The following COL9A1 variants were observed in gnomAD, a reference collection of about 807,000 sequenced individuals.
COL9A1 encodes collagen type IX alpha 1 chain.
Under a neutral mutation model 142.6 loss-of-function variants are expected in COL9A1, and 104 were observed. The observed-to-expected ratio is 0.73, with a 90% CI of 0.62 to 0.86. The LOEUF is 0.86. Ranked by LOEUF, COL9A1 falls within the 40% of genes least tolerant of loss-of-function variation. COL9A1 has a pLI of 0.00. For synonymous variants in COL9A1, 466 were observed against 396.0 expected (o/e 1.18, Z -2.10); for missense variants, 1,210 against 1,176.6 (o/e 1.03, Z -0.42).
chr6:70,266,621 G>A (rs926677564), intron 18 of COL9A1, 96 bp downstream of exon 18: 12 of 960,736 alleles, frequency 1.2e-5, no homozygotes, highest in Admixed American at 8.5e-5. Context: ...GTAAAATATC[G>A]AGGTTCATTA....
At chr6:70,268,733 TA>T in intron 17 of COL9A1, 70 bp downstream of exon 17, 2 of 1,399,510 alleles carry the variant, frequency 1.4e-6, no homozygotes, top group Non-Finnish European at 2.0e-6. Context: ...CCAGGAAGGC[TA>T]ATGCTTAAAG....
intron 36 of COL9A1, among the ~76,000 whole-genome samples, chr6:70,229,182 A>T (rs575837949): frequency 1.3e-5 from 2 of 152,250 alleles, no homozygotes; most frequent in African/African-American, 2.4e-5. Flanking sequence ...GAGCTCCAAA[A>T]CAGAGCCTAT....
At chr6:70,279,179 A>G (rs1055236376) in intron 10 of COL9A1, among the ~76,000 whole-genome samples, 2 of 152,256 alleles carry the variant, frequency 1.3e-5, no homozygotes, top group Admixed American at 6.5e-5. Flanking sequence ...TTCAAGCTAC[A>G]TTAGGCTACC....
At chr6:70,301,258 G>T (rs1236847207) in intron 2 of COL9A1, among the ~76,000 whole-genome samples, 1 of 152,036 alleles carries the variant, frequency 6.6e-6, no homozygotes. Context: ...AGACTCTCTA[G>T]ACTTCAAAAA....
In COL9A1 at chr6:70,232,698, G is replaced by T; in HGVS notation, c.2388C>A (p.Gly796=). ...CAGGAGGGCCGGGGGGACCAGGAGG[G>T]CCAGGCCTTCCAGGAAGCCCAGTGG... ...SGATGLPGRP[G]PPGPPGPPGE... is the part of the protein sequence containing the mutation. The change falls in exon 36 of 38, where the codon GGC becomes GGA. Residue 796 remains glycine, a synonymous_variant. Coordinates refer to ENST00000357250, the MANE Select transcript of COL9A1 (RefSeq NM_001851.6). 1 of 1,613,994 alleles carries T rather than the reference G, an allele frequency of 6.2e-7. No individual in the cohort carries two copies.
intron 36 of COL9A1, among the ~76,000 whole-genome samples, chr6:70,227,057 C>A (rs1769274546): frequency 6.6e-6 from 1 of 151,928 alleles, no homozygotes; most frequent in African/African-American, 2.4e-5. Flanking sequence ...AAGGTGGTGT[C>A]TTAAAGTGGG....
chr6:70,281,504 G>T, intron 7 of COL9A1, 40 bp from the exon 8 acceptor site: 2 of 1,551,928 alleles, frequency 1.3e-6, no homozygotes, highest in Non-Finnish European at 1.8e-6. Flanking sequence ...GAGCACATCG[G>T]GCAACAGGGA....
chr6:70,263,983 T>C (rs1020765063), intron 18 of COL9A1, among the ~76,000 whole-genome samples: 22 of 152,076 alleles, frequency 1.4e-4, no homozygotes, highest in Admixed American at 2.6e-4. Flanking sequence ...TTTTTCTTAG[T>C]AACGGGCCAC....
At chr6:70,229,794 G>C (rs1517043) in intron 36 of COL9A1, among the ~76,000 whole-genome samples, 2 of 152,082 alleles carry the variant, frequency 1.3e-5, no homozygotes, top group Non-Finnish European at 2.9e-5. Flanking sequence ...GTATAATATT[G>C]TGTAAAGCAT....
At chr6:70,229,290 G>T (rs1769405287) in intron 36 of COL9A1, among the ~76,000 whole-genome samples, 1 of 152,070 alleles carries the variant, frequency 6.6e-6, no homozygotes. Context: ...CTTATTTTGA[G>T]ATGTACAAAA....
intron 4 of COL9A1, among the ~76,000 whole-genome samples, chr6:70,295,281 C>CTTTTTTTTTTTT (rs1171549562): frequency 3.2e-5 from 2 of 63,166 alleles, no homozygotes; most frequent in African/African-American, 1.3e-4. Context: ...GTTGTTGCTT[C>CTTTTTTTTTTTT]TTTTTTTTTT....
At chr6:70,266,108 G>T (rs1305019364) in intron 18 of COL9A1, among the ~76,000 whole-genome samples, 1 of 152,114 alleles carries the variant, frequency 6.6e-6, no homozygotes, top group Non-Finnish European at 1.5e-5. Flanking sequence ...ATGTTACCTT[G>T]CTTTAAATCC....
At chr6:70,267,270 C>G (rs1772073972) in intron 17 of COL9A1, among the ~76,000 whole-genome samples, 1 of 151,740 alleles carries the variant, frequency 6.6e-6, no homozygotes, top group Non-Finnish European at 1.5e-5. Flanking sequence ...TTCTCGGATG[C>G]ACAACTTTCT....
intron 4 of COL9A1, among the ~76,000 whole-genome samples, chr6:70,299,008 G>A (rs999814444): frequency 4.0e-5 from 6 of 151,822 alleles, no homozygotes; most frequent in Non-Finnish European, 8.8e-5. Context: ...GGGGATCCCT[G>A]ATTTAAGAAA....
chr6:70,234,189 T>C (rs1355504333), intron 35 of COL9A1, among the ~76,000 whole-genome samples: 1 of 151,896 alleles, frequency 6.6e-6, no homozygotes, highest in East Asian at 1.9e-4. Context: ...TGGTAGGGTC[T>C]TAAGGAGGGG....
At chr6:70,273,936 TATA>T in intron 12 of COL9A1, 108 bp downstream of exon 12, 2 of 530,320 alleles carry the variant, frequency 3.8e-6, no homozygotes, top group Non-Finnish European at 5.4e-6. Context: ...AAACTTAAAG[TATA>T]ATAATAAATA....
In COL9A1 at chr6:70,294,321, T is replaced by A; in HGVS notation, c.542A>T (p.His181Leu). The A allele has an allele frequency of 6.2e-7, 1 of 1,614,096 alleles. No individual in the cohort carries two copies. The highest frequency in any genetic ancestry group is 8.5e-7 in the Non-Finnish European group (1 of 1,179,962). The change falls in exon 5 of 38, where the codon CAT becomes CTT. Residue 181 changes from histidine to leucine, a missense_variant. Coordinates refer to ENST00000357250, the MANE Select transcript of COL9A1 (RefSeq NM_001851.6). The stretch of plus-strand genomic sequence containing the variant: ...CCTCTCCACGCCAATCATGATCTTA[T>A]GCCACTGGGAATCAAACAAGGAGGA... ...NLSSLFDSQW[H>L]KIMIGVERSS...
Position 70,216,982 on chromosome 6 carries a change from G to A in COL9A1, c.2681C>T (p.Pro894Leu), listed in dbSNP as rs1562281705. The A allele has an allele frequency of 1.9e-6, 3 of 1,614,008 alleles. No homozygotes were observed. Among genetic ancestry groups the A allele is most frequent in the Non-Finnish European group, 2.5e-6 (3 of 1,180,018 alleles). The change falls in exon 38 of 38, where the codon CCT becomes CTT. Residue 894 changes from proline (P) to leucine (L), a missense_variant. By Grantham distance (98) the Pro-to-Leu change is moderately conservative. Coordinates refer to ENST00000357250, the MANE Select transcript of COL9A1 (RefSeq NM_001851.6). ...CTCACAGAAACCGGGAAGCCCAGGA[G>A]GTCCCGGGGGTCCAGGCACTCCAGG... is the stretch of plus-strand genomic sequence containing the variant. ...GIPGVPGPPG[P>L]PGLPGFCEPA...
chr6:70,280,078 G>A, intron 10 of COL9A1: 1 of 674,684 alleles, frequency 1.5e-6, no homozygotes, highest in South Asian at 1.7e-5. Flanking sequence ...GAATCCTGAA[G>A]TCATTTTACT....
Sources: allele counts gnomAD v4.1 joint callset (sites outside exome capture counted in the v4.1 genomes callset), GRCh38; gene constraint gnomAD v4.1.1; transcripts MANE v1.5; gene names NCBI Gene and HGNC (gene_info 2026-07-23, HGNC 2026-07-21).